Variants in RANBP3 observed in about 807,000 individuals in gnomAD.
RANBP3 encodes the protein ran-binding protein 3.
In RANBP3, 14 loss-of-function variants were observed where a neutral mutation model predicts 77.3. The observed-to-expected ratio is 0.18, with a 90% CI of 0.12 to 0.28. RANBP3 has a LOEUF of 0.28. Ranked by LOEUF, RANBP3 falls within the 10% of genes least tolerant of loss-of-function variation. The pLI is 1.00. For synonymous variants in RANBP3, 315 were observed against 312.4 expected, an observed-to-expected ratio of 1.01 and a Z score of -0.09; for missense variants, 586 against 752.3, an observed-to-expected ratio of 0.78 and a Z score of 2.59.
intron 1 of RANBP3, chr19:5,962,801 A>G: frequency 2.2e-6 from 1 of 454,928 alleles, no homozygotes; most frequent in East Asian, 7.0e-5. Context: ...TCGCAAACAG[A>G]CAAGACACAC....
At chr19:5,928,249 G>T in intron 8 of RANBP3, 162 bp from the exon 9 acceptor site, 2 of 808,814 alleles carry the variant, frequency 2.5e-6, no homozygotes, top group Non-Finnish European at 1.9e-6. Context: ...GACTGCTTGA[G>T]CCTGGGAGTT....
At chr19:5,925,208 G>A in intron 10 of RANBP3, 1 of 494,016 alleles carries the variant, frequency 2.0e-6, no homozygotes, top group East Asian at 3.8e-5. Context: ...AGGGGCAGCT[G>A]GTCCGTGGGT....
At chr19:5,944,416 G>A (rs2058177873) in intron 3 of RANBP3, among the ~76,000 whole-genome samples, 1 of 152,216 alleles carries the variant, frequency 6.6e-6, no homozygotes, top group African/African-American at 2.4e-5. Context: ...GCTATCGCTT[G>A]CCCTCATACT....
At chr19:5,956,660 C>G (rs572102098) in intron 2 of RANBP3, among the ~76,000 whole-genome samples, 1 of 152,278 alleles carries the variant, frequency 6.6e-6, no homozygotes, top group East Asian at 1.9e-4. Flanking sequence ...TTTTCCCCTC[C>G]TCCCCAACCC....
chr19:5,940,716 G>T (rs950647607), intron 5 of RANBP3, among the ~76,000 whole-genome samples: 8 of 152,212 alleles, frequency 5.3e-5, no homozygotes, highest in African/African-American at 1.4e-4. Flanking sequence ...TTTCAGTTGG[G>T]TAACCAGAGA....
chr19:5,932,352 T>TG, intron 7 of RANBP3, 100 bp downstream of exon 7: 2 of 875,150 alleles, frequency 2.3e-6, no homozygotes, highest in Non-Finnish European at 3.7e-6. Flanking sequence ...TCTGGTGCAT[T>TG]CAGCAGTCAC....
In RANBP3 at chr19:5,924,974, C is replaced by T; in HGVS notation, c.918-69G>A. ...CGTGGCCAGGCAAATGTATGGGTAC[C>T]CATGGAGCACACACTGACACAGAGG... On this transcript the variant is annotated intron_variant, in intron 10 of 16. Coordinates refer to ENST00000340578, the MANE Select transcript of RANBP3 (RefSeq NM_007322.3). This position sits in a 1 kb window ranked among gnomAD's most constrained non-coding sequence, Gnocchi z 4.7. 1.4e-6 allele frequency: 2 copies of T among 1,387,046 alleles called. No homozygotes were observed. Among genetic ancestry groups the T allele is most frequent in the Non-Finnish European group, 2.1e-6 (2 of 974,062 alleles). The allele number at this position is 1,387,046 out of a possible 1,614,324, so 85.9% of individuals were successfully genotyped here. A position where few individuals can be genotyped will look rare whatever the true frequency, so the allele number is the denominator to read the frequency against.
intron 5 of RANBP3, among the ~76,000 whole-genome samples, chr19:5,941,208 G>A (rs2058131797): frequency 6.6e-6 from 1 of 152,224 alleles, no homozygotes; most frequent in East Asian, 1.9e-4. Flanking sequence ...CTGGGCTACT[G>A]CACTGGACTG....
At chr19:5,957,440 C>G (rs1179047503) in intron 2 of RANBP3, among the ~76,000 whole-genome samples, 2 of 152,112 alleles carry the variant, frequency 1.3e-5, no homozygotes, top group Non-Finnish European at 2.9e-5. Context: ...AACAATTACT[C>G]TAAATGCACG....
At chr19:5,970,860 C>T (rs564399446) in intron 1 of RANBP3, among the ~76,000 whole-genome samples, 114 of 152,342 alleles carry the variant, frequency 7.5e-4, no homozygotes, top group African/African-American at 2.7e-3. Context: ...GGTCAGACAA[C>T]TTGCCCATGT....
chr19:5,943,444 G>T (rs1309340184), intron 3 of RANBP3, among the ~76,000 whole-genome samples: 1 of 152,200 alleles, frequency 6.6e-6, no homozygotes, highest in African/African-American at 2.4e-5. Context: ...GCCACATTTG[G>T]TCTCTGTCAT....
intron 5 of RANBP3, among the ~76,000 whole-genome samples, chr19:5,941,339 GTA>G (rs199694952): frequency 0.016 from 2,467 of 152,302 alleles, 75 homozygotes; most frequent in African/African-American, 0.057. Context: ...AGGGCTCTCA[GTA>G]GTCAACCCCT....
At chr19:5,934,756 C>T (rs2058041120) in intron 5 of RANBP3, among the ~76,000 whole-genome samples, 1 of 152,158 alleles carries the variant, frequency 6.6e-6, no homozygotes, top group Non-Finnish European at 1.5e-5. Flanking sequence ...ATCACTTGAG[C>T]CTGGGAGCTT....
rs572260989 is a variant in RANBP3, at chr19:5,952,015, A to G, written c.79-419T>C. Among the ~76,000 whole-genome samples, 2 of 152,326 alleles carry G rather than the reference A, an allele frequency of 1.3e-5. No individual in the cohort carries two copies. The highest frequency in any genetic ancestry group is 4.8e-5 in the African/African-American group (2 of 41,576). On this transcript the variant is annotated intron_variant, in intron 2 of 16. Transcript: ENST00000340578. The surrounding 1 kb of genome is among the most constrained non-coding windows in gnomAD (Gnocchi z 4.1). The stretch of plus-strand genomic sequence containing the variant: ...GCCATCAGCACCATTTCTGTGCTTT[A>G]GGAAAGAGGGAGGTGGCTGGAACCC...
At position 5,921,855 on chromosome 19, in the gene RANBP3, C is replaced by T. The variant is rs149990847; in HGVS notation, c.1210-534G>A. ...TGACACACATGGTCCGCCCCTACAGCGCATCTCACTCAGTCTTAATAAAGA... is the reference window on the plus strand; with the variant it reads ...TGACACACATGGTCCGCCCCTACAGTGCATCTCACTCAGTCTTAATAAAGA... On this transcript the variant is annotated intron_variant, in intron 13 of 16. Coordinates refer to ENST00000340578, the MANE Select transcript of RANBP3 (RefSeq NM_007322.3). The surrounding 1 kb of genome is among the most constrained non-coding windows in gnomAD (Gnocchi z 5.3). Among the ~76,000 whole-genome samples, 172 of 152,340 alleles carry T rather than the reference C, an allele frequency of 1.1e-3. No homozygotes were observed. Among genetic ancestry groups the T allele is most frequent in the African/African-American group, 3.8e-3 (160 of 41,580 alleles).
chr19:5,951,813 T>A (rs1337522885), intron 2 of RANBP3, among the ~76,000 whole-genome samples: 3 of 152,124 alleles, frequency 2.0e-5, no homozygotes, highest in African/African-American at 7.2e-5. Context: ...CTAGGTGCCA[T>A]GTGACTTTGC....
chr19:5,932,415 C>T, intron 7 of RANBP3, 37 bp downstream of exon 7: 5 of 1,576,560 alleles, frequency 3.2e-6, no homozygotes, highest in Non-Finnish European at 3.5e-6. Context: ...CTCTACCCTG[C>T]CGTCTGGGCC....
intron 10 of RANBP3, 126 bp from the exon 11 acceptor site, chr19:5,925,031 G>A (rs1247835907): frequency 1.1e-5 from 9 of 842,192 alleles, no homozygotes; most frequent in African/African-American, 5.0e-5. Context: ...CACTGTGCAC[G>A]GGGTGGCGTG....
intron 1 of RANBP3, among the ~76,000 whole-genome samples, chr19:5,970,566 T>C (rs1033849632): frequency 6.6e-6 from 1 of 152,104 alleles, no homozygotes; most frequent in African/African-American, 2.4e-5. Flanking sequence ...CTGGGTGCTA[T>C]GGCATCACAT....
Sources: allele counts gnomAD v4.1 joint callset (sites outside exome capture counted in the v4.1 genomes callset), GRCh38; gene constraint gnomAD v4.1.1; non-coding constraint Gnocchi (gnomAD v3.1); transcripts MANE v1.5; gene names NCBI Gene and HGNC (gene_info 2026-07-23, HGNC 2026-07-21).